Variants in ST8SIA6 observed in about 807,000 individuals in gnomAD.
ST8SIA6 encodes the protein ST8 alpha-N-acetyl-neuraminide alpha-2,8-sialyltransferase 6, also known as alpha-2,8-sialyltransferase 8F.
In ST8SIA6, 39 loss-of-function variants were observed where a neutral mutation model predicts 33.6. The ratio of observed to expected loss-of-function variants is 1.16; its 90% CI spans 0.90 to 1.52. ST8SIA6 has a LOEUF of 1.52. Among genes scored for constraint, ST8SIA6 ranks in the 40% most tolerant of loss-of-function variants. The probability of loss-of-function intolerance (pLI) is 0.00; values close to 1 mark genes in which losing one functional copy is unlikely to be tolerated. For missense variants in ST8SIA6, 441 were observed against 443.8 expected, an observed-to-expected ratio of 0.99 and a Z score of 0.06; for synonymous variants, 172 against 167.2, an observed-to-expected ratio of 1.03 and a Z score of -0.22.
Position 17,374,764 on chromosome 10 carries a change from T to TACAC in ST8SIA6, c.291-15165_291-15164insGTGT, listed in dbSNP as rs1554792822. Among the ~76,000 whole-genome samples the TACAC allele has an allele frequency of 2.2e-4, 28 of 126,846 alleles. 5 individuals are homozygous for TACAC. The highest frequency in any genetic ancestry group is 3.3e-4 in the Non-Finnish European group (20 of 60,304). The allele number at this position is 126,846 out of a possible 152,430, so 83.2% of individuals were successfully genotyped here. On this transcript the variant is annotated intron_variant, in intron 3 of 7. Coordinates refer to ENST00000377602, the MANE Select transcript of ST8SIA6 (RefSeq NM_001004470.3). ...TAAATAAATAATAAATATATATATA[T>TACAC]ATATTTAGCTCAACTGCCCTCCCAA...
In ST8SIA6 at chr10:17,322,997, T is replaced by C; in HGVS notation, c.728+68A>G. 2 of 1,425,396 alleles carry C rather than the reference T, an allele frequency of 1.4e-6. 1 individual carries two copies. The highest frequency in any genetic ancestry group is 2.5e-5 in the South Asian group (2 of 80,118). 88.3% of individuals were successfully genotyped at this position (1,425,396 alleles called of 1,614,324 possible). A position where few individuals can be genotyped will look rare whatever the true frequency, so the allele number is the denominator to read the frequency against. On this transcript the variant is annotated intron_variant, in intron 7 of 7. Transcript: ENST00000377602. ...CAGTCTCAGCAACAAGATTAGTGCT[T>C]AAGCTGAGAAACATGTTGAACAATG...
intron 4 of ST8SIA6, among the ~76,000 whole-genome samples, chr10:17,341,627 G>A (rs1450810978): frequency 6.6e-6 from 1 of 152,066 alleles, no homozygotes; most frequent in Non-Finnish European, 1.5e-5. Context: ...GGGGCCAGGT[G>A]CGGTGGCTTA....
chr10:17,387,360 T>C (rs1850411071), intron 3 of ST8SIA6, among the ~76,000 whole-genome samples: 1 of 144,452 alleles, frequency 6.9e-6, no homozygotes, highest in Non-Finnish European at 1.5e-5. Context: ...CAAGAGATTC[T>C]CCAGCCTCAG....
At chr10:17,366,700 C>A (rs183147155) in intron 3 of ST8SIA6, among the ~76,000 whole-genome samples, 76 of 152,172 alleles carry the variant, frequency 5.0e-4, no homozygotes, top group African/African-American at 1.8e-3. Context: ...ACAGGTGACC[C>A]AGAAAGAGCT....
At position 17,318,682 on chromosome 10, in the gene ST8SIA6, C is replaced by T. The variant is rs917474085; in HGVS notation, c.*2196G>A. The T allele has an allele frequency of 1.5e-5, 7 of 470,784 alleles. No homozygotes were observed. The highest frequency in any genetic ancestry group is 2.6e-5 in the Non-Finnish European group (6 of 227,048). 29.2% of individuals were successfully genotyped at this position (470,784 alleles called of 1,614,324 possible). A position where few individuals can be genotyped will look rare whatever the true frequency, so the allele number is the denominator to read the frequency against. ...GTGTCACAGTCAGACTTGGTTGTGG[C>T]GAATCTACAAATCTACAAGATGGAG... On this transcript the variant is annotated 3_prime_UTR_variant, in exon 8 of 8. Coordinates refer to ENST00000377602, the MANE Select transcript of ST8SIA6 (RefSeq NM_001004470.3).
At chr10:17,452,426 G>C (rs1852945749) in intron 2 of ST8SIA6, among the ~76,000 whole-genome samples, 1 of 152,188 alleles carries the variant, frequency 6.6e-6, no homozygotes. Flanking sequence ...AAGAGGAAAA[G>C]AGACCGTATA....
intron 2 of ST8SIA6, among the ~76,000 whole-genome samples, chr10:17,420,647 C>G (rs1283697457): frequency 6.6e-6 from 1 of 152,156 alleles, no homozygotes. Context: ...TACTTTCATC[C>G]TGCCAGCTAC....
chr10:17,392,414 C>T (rs12415768), intron 2 of ST8SIA6, among the ~76,000 whole-genome samples: 8,608 of 152,114 alleles, frequency 0.057, 355 homozygotes, highest in East Asian at 0.25. Flanking sequence ...CTAGTCCCAG[C>T]ACTTTGGGGA....
chr10:17,324,883 T>G (rs1386826887), intron 6 of ST8SIA6, among the ~76,000 whole-genome samples: 1 of 146,450 alleles, frequency 6.8e-6, no homozygotes, highest in Admixed American at 6.9e-5. Flanking sequence ...ATGTAATATA[T>G]GTATATTATA....
intron 2 of ST8SIA6, among the ~76,000 whole-genome samples, chr10:17,391,497 C>T (rs183606876): frequency 0.029 from 4,375 of 150,388 alleles, 65 homozygotes; most frequent in South Asian, 0.056. Flanking sequence ...CTCCTGACCT[C>T]GTGATCCGCC....
chr10:17,393,215 A>G (rs1174848908), intron 2 of ST8SIA6, among the ~76,000 whole-genome samples: 2 of 152,172 alleles, frequency 1.3e-5, no homozygotes. Context: ...AAGTCTCCTC[A>G]GCCTTTGGGC....
At chr10:17,429,254 A>G (rs984134551) in intron 2 of ST8SIA6, among the ~76,000 whole-genome samples, 1 of 151,922 alleles carries the variant, frequency 6.6e-6, no homozygotes, top group Non-Finnish European at 1.5e-5. Context: ...CACCACGACT[A>G]ACCCCACCAC....
intron 2 of ST8SIA6, among the ~76,000 whole-genome samples, chr10:17,427,622 C>T (rs1465558815): frequency 2.0e-5 from 3 of 152,326 alleles, no homozygotes; most frequent in African/African-American, 4.8e-5. Flanking sequence ...ATCAAGGTCA[C>T]GGAGACAGTC....
chr10:17,386,608 G>C (rs1382423815), intron 3 of ST8SIA6, among the ~76,000 whole-genome samples: 1 of 152,168 alleles, frequency 6.6e-6, no homozygotes, highest in Non-Finnish European at 1.5e-5. Context: ...CCTTCCTCCT[G>C]CAAGGCTCTT....
At chr10:17,347,830 G>A (rs575109562) in intron 4 of ST8SIA6, among the ~76,000 whole-genome samples, 1 of 144,074 alleles carries the variant, frequency 6.9e-6, no homozygotes, top group East Asian at 1.9e-4. Context: ...AGCTACTTGG[G>A]AGGCTGAGGC....
chr10:17,361,172 A>G (rs751902246), intron 3 of ST8SIA6, among the ~76,000 whole-genome samples: 1 of 152,140 alleles, frequency 6.6e-6, no homozygotes, highest in Non-Finnish European at 1.5e-5. Context: ...GTGAAAAATG[A>G]GATTAGAGTA....
rs1848015514 is a variant in ST8SIA6 at position 17,323,225 on chromosome 10, G to GCGCGCGCA, written c.636-69_636-68insTGCGCGCG. On this transcript the variant is annotated intron_variant, in intron 6 of 7. Coordinates refer to ENST00000377602, the MANE Select transcript of ST8SIA6 (RefSeq NM_001004470.3). ...GAAAAAAGATTGTATACACACATAT[G>GCGCGCGCA]CGCGCACACACACACACACACACAC... The GCGCGCGCA allele has an allele frequency of 6.6e-4, 554 of 834,038 alleles. 16 individuals are homozygous for GCGCGCGCA. Among genetic ancestry groups the GCGCGCGCA allele is most frequent in the East Asian group, 2.2e-3 (92 of 40,940 alleles). 51.7% of individuals were successfully genotyped at this position (834,038 alleles called of 1,614,324 possible).
chr10:17,418,225 A>AT (rs113596114), intron 2 of ST8SIA6, among the ~76,000 whole-genome samples: 20 of 150,886 alleles, frequency 1.3e-4, no homozygotes, highest in East Asian at 7.8e-4. Flanking sequence ...AACTCAGCTA[A>AT]TTTTTTTTTG....
At chr10:17,405,587 C>CT (rs1851226410) in intron 2 of ST8SIA6, among the ~76,000 whole-genome samples, 1 of 148,242 alleles carries the variant, frequency 6.7e-6, no homozygotes, top group East Asian at 2.0e-4. Flanking sequence ...GATGCTTAAC[C>CT]TTAAGAAAGT....
Sources: gnomAD v4.1 joint callset for allele counts (sites outside exome capture counted in the v4.1 genomes callset) on GRCh38, gnomAD v4.1.1 for gene constraint, MANE v1.5 for transcripts, NCBI Gene and HGNC (gene_info 2026-07-23, HGNC 2026-07-21) for gene names.